Variants in TXNRD1 observed in about 807,000 individuals in gnomAD.
TXNRD1 encodes thioredoxin reductase 1, cytoplasmic.
Under a neutral mutation model 80.3 loss-of-function variants are expected in TXNRD1, and 57 were observed. The observed-to-expected ratio is 0.71, with a 90% CI of 0.57 to 0.89. The LOEUF is 0.89. TXNRD1 is among the 40% of genes least tolerant of loss of function. TXNRD1 has a pLI of 0.00. For synonymous variants in TXNRD1, 291 were observed against 285.2 expected, an observed-to-expected ratio of 1.02 and a Z score of -0.20; for missense variants, 730 against 803.0, an observed-to-expected ratio of 0.91 and a Z score of 1.10.
chr12:104,310,398 C>T (rs1354387464), intron 4 of TXNRD1, among the ~76,000 whole-genome samples: 1 of 152,228 alleles, frequency 6.6e-6, no homozygotes, highest in African/African-American at 2.4e-5. Context: ...ATCCTCCCGC[C>T]TTGGCCTCCC....
intron 3 of TXNRD1, among the ~76,000 whole-genome samples, chr12:104,269,468 T>C (rs955559008): frequency 6.7e-5 from 10 of 150,006 alleles, no homozygotes; most frequent in African/African-American, 2.5e-4. Context: ...GATGTAGTCA[T>C]GGCTCACTGT....
chr12:104,291,074 G>A, intron 4 of TXNRD1: 1 of 683,328 alleles, frequency 1.5e-6, no homozygotes, highest in Non-Finnish European at 2.6e-6. Context: ...CTCCTAAAGT[G>A]CTGGGACTGC....
chr12:104,333,735 T>G (rs1219489435), intron 14 of TXNRD1, among the ~76,000 whole-genome samples: 1 of 152,132 alleles, frequency 6.6e-6, no homozygotes, highest in African/African-American at 2.4e-5. Context: ...ATCTCCTTCC[T>G]TCTTTCCTTC....
At position 104,251,634 on chromosome 12, in the gene TXNRD1, T is replaced by C; in HGVS notation, c.199T>C (p.Ser67Pro). 1.2e-6 allele frequency: 2 copies of C among 1,613,986 alleles called. No individual in the cohort carries two copies. Among genetic ancestry groups the C allele is most frequent in the South Asian group, 2.2e-5 (2 of 91,088 alleles). Residue 67 changes from serine (S) to proline (P), a missense_variant, in exon 2 of 17, where the codon TCT becomes CCT. Physicochemically the swap from Ser to Pro is moderately conservative, Grantham distance 74. Coordinates refer to ENST00000525566, the MANE Select transcript of TXNRD1 (RefSeq NM_001093771.3). ...GCTTCAGGCCTATATAGATGGTCACTCTGTGGTCATCTTCAGTAGGTCCAC... is the reference window on the plus strand; with the variant it reads ...GCTTCAGGCCTATATAGATGGTCACCCTGTGGTCATCTTCAGTAGGTCCAC... Reference protein sequence around the residue: ...ALLQAYIDGHSVVIFSRSTCT... With the variant: ...ALLQAYIDGHPVVIFSRSTCT...
At chr12:104,293,543 T>C (rs1388554466) in intron 4 of TXNRD1, among the ~76,000 whole-genome samples, 1 of 152,172 alleles carries the variant, frequency 6.6e-6, no homozygotes, top group Non-Finnish European at 1.5e-5. Context: ...CTTCGCCTCC[T>C]GGGCTTAACC....
At chr12:104,326,207 C>A in intron 11 of TXNRD1, 140 bp from the exon 12 acceptor site, 1 of 618,602 alleles carries the variant, frequency 1.6e-6, no homozygotes, top group African/African-American at 1.9e-5. Flanking sequence ...TAAACTCTTG[C>A]ATTACTTTCT....
At chr12:104,285,541 C>G (rs937997110) in intron 3 of TXNRD1, among the ~76,000 whole-genome samples, 1 of 152,158 alleles carries the variant, frequency 6.6e-6, no homozygotes, top group Non-Finnish European at 1.5e-5. Context: ...ATACAAGATG[C>G]TTTTAATGGC....
At chr12:104,242,601 A>G (rs2032898020) in intron 1 of TXNRD1, among the ~76,000 whole-genome samples, 2 of 152,024 alleles carry the variant, frequency 1.3e-5, no homozygotes, top group African/African-American at 2.4e-5. Flanking sequence ...TTATCTTATT[A>G]ACAGCATCAA....
At chr12:104,275,368 G>A (rs1476277242) in intron 3 of TXNRD1, among the ~76,000 whole-genome samples, 1 of 152,108 alleles carries the variant, frequency 6.6e-6, no homozygotes, top group Non-Finnish European at 1.5e-5. Flanking sequence ...AAAATGGCAT[G>A]CTTAGCCACA....
At chr12:104,304,298 T>C in intron 4 of TXNRD1, 1 of 1,614,048 alleles carries the variant, frequency 6.2e-7, no homozygotes, top group Non-Finnish European at 8.5e-7. Flanking sequence ...ATTTTGTGAC[T>C]TTCTGTTTCT....
chr12:104,219,424 AT>A (rs1272721036), intron 1 of TXNRD1, among the ~76,000 whole-genome samples: 2 of 152,194 alleles, frequency 1.3e-5, no homozygotes, highest in Non-Finnish European at 2.9e-5. Flanking sequence ...AGCATCTATT[AT>A]TTATCAGGCA....
intron 15 of TXNRD1, 122 bp from the exon 16 acceptor site, chr12:104,339,017 G>A: frequency 3.7e-6 from 5 of 1,364,338 alleles, no homozygotes; most frequent in African/African-American, 1.4e-5. Flanking sequence ...CGCCCGGCCA[G>A]TCTCTGGTCA....
At chr12:104,300,182 A>G (rs2034574524) in intron 4 of TXNRD1, among the ~76,000 whole-genome samples, 1 of 152,216 alleles carries the variant, frequency 6.6e-6, no homozygotes, top group Non-Finnish European at 1.5e-5. Context: ...GGTTGTGGGA[A>G]AGAGCTCAAG....
chr12:104,287,357 C>T (rs1412334114), intron 3 of TXNRD1: 1 of 1,614,006 alleles, frequency 6.2e-7, no homozygotes. Flanking sequence ...GTAGGTGAGG[C>T]CGGCGCCTGT....
rs1225012964 is a variant in TXNRD1 at position 104,334,623 on chromosome 12, G to A, written c.1746+291G>A. Among the ~76,000 whole-genome samples, 4 of 152,270 alleles carry A rather than the reference G, an allele frequency of 2.6e-5. No individual in the cohort carries two copies. The East Asian group carries it at 7.7e-4, about 29-fold the overall frequency. ...CTGACCTCGTAATCTGCCTGTCTCG[G>A]CCTCCCAAGGTGCTGGAATGTACAG... On this transcript the variant is annotated intron_variant, in intron 15 of 16. Transcript: ENST00000525566.
intron 6 of TXNRD1, 116 bp from the exon 7 acceptor site, chr12:104,315,661 A>G: frequency 1.6e-6 from 2 of 1,243,398 alleles, no homozygotes; most frequent in Non-Finnish European, 2.2e-6. Context: ...TACTGACCAC[A>G]TTAAGCAAAT....
At position 104,318,976 on chromosome 12, in the gene TXNRD1, G is replaced by A; in HGVS notation, c.794G>A (p.Gly265Asp). 1 of 1,613,962 alleles carries A rather than the reference G, an allele frequency of 6.2e-7. No homozygotes were observed. Among genetic ancestry groups the A allele is most frequent in the Non-Finnish European group, 8.5e-7 (1 of 1,179,860 alleles). The change falls in exon 8 of 17, where the codon GGC becomes GAC. Residue 265 changes from glycine (G) to aspartate (D), a missense_variant. Physicochemically the swap from Gly to Asp is moderately conservative, Grantham distance 94. Coordinates refer to ENST00000525566, the MANE Select transcript of TXNRD1 (RefSeq NM_001093771.3). The part of the protein sequence containing the change: ...VQNHIGSLNW[G>D]YRVALREKKV... The stretch of plus-strand genomic sequence containing the variant: ...AATCACATTGGCTCTTTGAATTGGG[G>A]CTACCGAGTAGCTCTGCGGGAGAAA...
intron 4 of TXNRD1, among the ~76,000 whole-genome samples, chr12:104,292,823 A>G (rs1004033401): frequency 1.3e-5 from 2 of 152,252 alleles, no homozygotes; most frequent in African/African-American, 2.4e-5. Context: ...TGAGATAATT[A>G]GAATTGCGGA....
chr12:104,286,902 G>T (rs1593751996), intron 3 of TXNRD1: 1 of 1,148,726 alleles, frequency 8.7e-7, no homozygotes, highest in African/African-American at 1.6e-5. Flanking sequence ...AGCATAGGTT[G>T]CCAGGGCTGC....
Sources: allele counts gnomAD v4.1 joint callset (sites outside exome capture counted in the v4.1 genomes callset), GRCh38; gene constraint gnomAD v4.1.1; transcripts MANE v1.5; gene names NCBI Gene and HGNC (gene_info 2026-07-23, HGNC 2026-07-21).